GBE1: variants seen among roughly 807,000 people sequenced by gnomAD.
GBE1 encodes 1,4-alpha-glucan branching enzyme 1.
A neutral mutation model predicts 88.8 loss-of-function variants in GBE1; 70 were observed. The observed-to-expected ratio is 0.79, with a 90% confidence interval of 0.65 to 0.96. The LOEUF (loss-of-function observed/expected upper bound fraction) is 0.96, where lower values mean the gene tolerates loss of function less well. Among genes scored for constraint, GBE1 ranks in the 40% least tolerant of loss-of-function variants. GBE1 has a pLI of 0.00. For synonymous variants in GBE1, 284 were observed against 300.1 expected (o/e 0.95, Z 0.56); for missense variants, 872 against 871.0 (o/e 1.00, Z -0.01).
At chr3:81,702,102 AGTGTGTGTGTGTGTGTGTGTGTGTGT>A (rs571028865) in intron 2 of GBE1, among the ~76,000 whole-genome samples, 3 of 115,408 alleles carry the variant, frequency 2.6e-5, no homozygotes, top group Admixed American at 9.4e-5. Context: ...AGAGAGAGAG[AGTGTGTGTGTGTGTGTGTGTGTGTGT>A]GTGTGTGTGT....
chr3:81,628,987 C>G (rs147227267), intron 7 of GBE1, among the ~76,000 whole-genome samples: 239 of 140,106 alleles, frequency 1.7e-3, no homozygotes, highest in Middle Eastern at 7.9e-3. Flanking sequence ...TTCTTGGCAA[C>G]TGATTAATAA....
At chr3:81,706,232 T>C (rs1041627103) in intron 1 of GBE1, among the ~76,000 whole-genome samples, 1 of 152,108 alleles carries the variant, frequency 6.6e-6, no homozygotes, top group Non-Finnish European at 1.5e-5. Context: ...GCCTGCAGCC[T>C]TTTCCTTCCC....
intron 6 of GBE1, among the ~76,000 whole-genome samples, chr3:81,644,399 G>A (rs13065281): frequency 0.3 from 44,836 of 151,942 alleles, 6,818 homozygotes; most frequent in East Asian, 0.43. Context: ...ATATCTAAGG[G>A]TAAGAGCATT....
In GBE1 at chr3:81,744,946, CTTT is replaced by C. The variant is rs1706400841; in HGVS notation, c.143+16426_143+16428del. On this transcript the variant is annotated intron_variant, in intron 1 of 15. Coordinates refer to ENST00000429644, the MANE Select transcript of GBE1 (RefSeq NM_000158.4). ...AACTTAAAGCAATTCAAAAGAACTTCTTTGTCATATATGTATTATCCCCTTCCT... is the reference window on the plus strand; with the variant it reads ...AACTTAAAGCAATTCAAAAGAACTTCGTCATATATGTATTATCCCCTTCCT... Among the ~76,000 whole-genome samples, 7 of 152,260 alleles carry C rather than the reference CTTT, an allele frequency of 4.6e-5. No individual in the cohort carries two copies. In the Middle Eastern group the frequency reaches 0.014, roughly 296 times the overall value.
intron 1 of GBE1, among the ~76,000 whole-genome samples, chr3:81,730,481 G>A (rs890287501): frequency 6.6e-6 from 1 of 152,162 alleles, no homozygotes; most frequent in African/African-American, 2.4e-5. Flanking sequence ...AAGTCCTCAT[G>A]TTCAAAGTGG....
chr3:81,660,605 T>G (rs898978741), intron 3 of GBE1, among the ~76,000 whole-genome samples: 1 of 152,084 alleles, frequency 6.6e-6, no homozygotes, highest in Non-Finnish European at 1.5e-5. Flanking sequence ...TAAAAAAAAT[T>G]ATATGTTCAT....
At chr3:81,508,109 A>T (rs1702678473) in intron 14 of GBE1, among the ~76,000 whole-genome samples, 1 of 152,236 alleles carries the variant, frequency 6.6e-6, no homozygotes, top group Admixed American at 6.5e-5. Context: ...ATTTTTAAGC[A>T]TGCTTAATGA....
intron 13 of GBE1, among the ~76,000 whole-genome samples, 152 bp downstream of exon 13, chr3:81,536,759 A>G (rs1033701892): frequency 6.6e-6 from 1 of 152,102 alleles, no homozygotes; most frequent in Non-Finnish European, 1.5e-5. Context: ...CTTCAGTGAC[A>G]TGTTTTGACA....
At chr3:81,564,075 G>A (rs887793245) in intron 12 of GBE1, among the ~76,000 whole-genome samples, 1 of 152,080 alleles carries the variant, frequency 6.6e-6, no homozygotes, top group African/African-American at 2.4e-5. Flanking sequence ...GCCTCTGGGA[G>A]GTGATTAAGT....
At chr3:81,500,782 G>A (rs968387769) in intron 14 of GBE1, among the ~76,000 whole-genome samples, 1 of 152,156 alleles carries the variant, frequency 6.6e-6, no homozygotes, top group African/African-American at 2.4e-5. Context: ...TGTTATACAC[G>A]TTTGACACTG....
intron 12 of GBE1, among the ~76,000 whole-genome samples, chr3:81,549,823 C>T (rs1260703599): frequency 6.6e-6 from 1 of 151,468 alleles, no homozygotes; most frequent in Non-Finnish European, 1.5e-5. Flanking sequence ...ATCAGTCTTA[C>T]CATAATTTGT....
chr3:81,588,103 CT>C (rs5850528), intron 9 of GBE1, among the ~76,000 whole-genome samples: 93,517 of 146,244 alleles, frequency 0.64, 30,854 homozygotes, highest in East Asian at 0.91. Context: ...TCAAATGCTT[CT>C]TTTTTTTTTT....
intron 12 of GBE1, among the ~76,000 whole-genome samples, chr3:81,550,339 T>G (rs1476275666): frequency 6.6e-6 from 1 of 151,354 alleles, no homozygotes; most frequent in African/African-American, 2.4e-5. Context: ...TGAGCTCCTC[T>G]CTACCCTGAA....
rs1278530844 is a variant in GBE1 at position 81,652,585 on chromosome 3, C to T, written c.430-2664G>A. ...GGAGAGCAAAGCTTTCTACCAAATC[C>T]GGAACACTGACCTGTGATTGTTACA... On this transcript the variant is annotated intron_variant, in intron 3 of 15. Coordinates refer to ENST00000429644, the MANE Select transcript of GBE1 (RefSeq NM_000158.4). Among the ~76,000 whole-genome samples the T allele has an allele frequency of 4.6e-5, 7 of 152,088 alleles. No homozygotes were observed. In the South Asian group the frequency reaches 8.3e-4, roughly 18 times the overall value.
chr3:81,743,503 C>T (rs1706379959), intron 1 of GBE1: 5 of 1,162,898 alleles, frequency 4.3e-6, no homozygotes, highest in Non-Finnish European at 6.2e-6. Flanking sequence ...TTCCAACCCC[C>T]CTCTCTTACA....
intron 15 of GBE1, among the ~76,000 whole-genome samples, chr3:81,495,203 A>G (rs987281183): frequency 6.6e-6 from 1 of 152,180 alleles, no homozygotes; most frequent in Admixed American, 6.5e-5. Flanking sequence ...AGCCTGGCCA[A>G]CATGATGAAA....
At chr3:81,574,339 C>A (rs1703616272) in intron 12 of GBE1, among the ~76,000 whole-genome samples, 1 of 151,908 alleles carries the variant, frequency 6.6e-6, no homozygotes, top group African/African-American at 2.4e-5. Flanking sequence ...AAGCTATATG[C>A]CTGCAAATAC....
chr3:81,731,956 C>T (rs1483497657), intron 1 of GBE1, among the ~76,000 whole-genome samples: 1 of 151,724 alleles, frequency 6.6e-6, no homozygotes, highest in African/African-American at 2.4e-5. Flanking sequence ...TCTTAATTCC[C>T]AAAAAAACAC....
chr3:81,595,981 T>TCTTACA (rs1432464693), intron 7 of GBE1, among the ~76,000 whole-genome samples: 2 of 151,956 alleles, frequency 1.3e-5, no homozygotes, highest in Admixed American at 6.6e-5. Context: ...TCTGAAATAC[T>TCTTACA]CTTACACATT....
Sources: allele counts gnomAD v4.1 joint callset (sites outside exome capture counted in the v4.1 genomes callset), GRCh38; gene constraint gnomAD v4.1.1; transcripts MANE v1.5; gene names NCBI Gene and HGNC (gene_info 2026-07-23, HGNC 2026-07-21).